Variants in LMNTD1 observed in about 807,000 individuals in gnomAD.
LMNTD1 encodes lamin tail domain containing 1, also known as lamin tail domain-containing protein 1.
Under a neutral mutation model 50.9 loss-of-function variants are expected in LMNTD1, and 35 were observed. That is an observed-to-expected ratio of 0.69 (90% CI 0.53 to 0.91). LMNTD1 has a LOEUF of 0.91. LMNTD1 is among the 40% of genes least tolerant of loss of function. LMNTD1 has a pLI of 0.00. For synonymous variants in LMNTD1, 153 were observed against 161.9 expected (o/e 0.94, Z 0.42); for missense variants, 470 against 475.5 (o/e 0.99, Z 0.11).
chr12:25,519,076 A>T, intron 7 of LMNTD1, 109 bp from the exon 8 acceptor site: 1 of 994,400 alleles, frequency 1.0e-6, no homozygotes. Context: ...AGAGAATATG[A>T]CTTTTTAAAC....
intron 9 of LMNTD1, among the ~76,000 whole-genome samples, chr12:25,477,211 G>A (rs1182051704): frequency 6.6e-6 from 1 of 152,192 alleles, no homozygotes; most frequent in African/African-American, 2.4e-5. Flanking sequence ...AATGAAGAGA[G>A]AATAAGATGG....
rs554099565 is a variant in LMNTD1, at chr12:25,594,554, T to C, written c.59-48000A>G. On this transcript the variant is annotated intron_variant, in intron 1 of 7. Coordinates refer to the LMNTD1 transcript ENST00000445693. ...CCAAGCTGAAACTACAAGAACTGAC[T>C]TAAAAAAATCTCTAAATCTTGAAAC... is the stretch of plus-strand genomic sequence containing the variant. Among the ~76,000 whole-genome samples the C allele has an allele frequency of 2.7e-5, 4 of 149,488 alleles. No individual in the cohort carries two copies. The South Asian group carries it at 6.3e-4, about 24-fold the overall frequency.
At chr12:25,620,373 A>AG (rs1946445038) in intron 1 of LMNTD1, among the ~76,000 whole-genome samples, 1 of 152,130 alleles carries the variant, frequency 6.6e-6, no homozygotes, top group African/African-American at 2.4e-5. Flanking sequence ...ACAAAATTAT[A>AG]AAATATACTT....
intron 1 of LMNTD1, among the ~76,000 whole-genome samples, chr12:25,637,164 G>A (rs1946853237): frequency 6.6e-6 from 1 of 151,936 alleles, no homozygotes. Context: ...AAAATAAAAT[G>A]TTCCATTTAC....
intron 4 of LMNTD1, among the ~76,000 whole-genome samples, chr12:25,542,468 A>G (rs1052841120): frequency 2.1e-4 from 31 of 150,736 alleles, no homozygotes; most frequent in African/African-American, 7.5e-4. Context: ...AACTATCGCA[A>G]GAACAAAAAA....
At position 25,641,968 on chromosome 12, in the gene LMNTD1, C is replaced by T. The variant is rs546828431; in HGVS notation, c.58+6526G>A. Among the ~76,000 whole-genome samples the T allele has an allele frequency of 4.2e-3, 634 of 152,112 alleles. 1 individual carries two copies. The highest frequency in any genetic ancestry group is 0.014 in the African/African-American group (580 of 41,508). On this transcript the variant is annotated intron_variant, in intron 1 of 7. Transcript: ENST00000445693. ...AATTATTTATACTAAACCAAATTTG[C>T]GAATTTCAGTCAGAAATTCTAAAAC...
intron 6 of LMNTD1, among the ~76,000 whole-genome samples, chr12:25,523,095 G>A (rs906329578): frequency 6.6e-5 from 10 of 152,012 alleles, no homozygotes; most frequent in African/African-American, 2.2e-4. Flanking sequence ...GTGCAGTGGT[G>A]CAATCTTGGC....
chr12:25,605,865 A>G (rs998262821), intron 1 of LMNTD1, among the ~76,000 whole-genome samples: 21 of 152,114 alleles, frequency 1.4e-4, no homozygotes, highest in African/African-American at 2.9e-4. Flanking sequence ...TTCCAATTCT[A>G]TGAAGAAAGT....
At chr12:25,577,063 G>T (rs2136392925) in intron 1 of LMNTD1, among the ~76,000 whole-genome samples, 1 of 152,212 alleles carries the variant, frequency 6.6e-6, no homozygotes, top group African/African-American at 2.4e-5. Context: ...CTCTGATTTG[G>T]TACCAGTACC....
At chr12:25,639,953 G>A (rs181731391) in intron 1 of LMNTD1, among the ~76,000 whole-genome samples, 132 of 152,260 alleles carry the variant, frequency 8.7e-4, no homozygotes, top group Non-Finnish European at 5.1e-4. Context: ...CATCCAATGG[G>A]ATATTATTCA....
intron 8 of LMNTD1, among the ~76,000 whole-genome samples, chr12:25,513,032 AG>A (rs1940427125): frequency 6.6e-6 from 1 of 152,196 alleles, no homozygotes; most frequent in Non-Finnish European, 1.5e-5. Flanking sequence ...ACTTAGCTAG[AG>A]GCCCTGTGCA....
intron 4 of LMNTD1, among the ~76,000 whole-genome samples, chr12:25,538,364 CA>C (rs1942772632): frequency 6.6e-6 from 1 of 151,336 alleles, no homozygotes; most frequent in South Asian, 2.1e-4. Context: ...ATCAGACTAA[CA>C]GCGGATCTCT....
chr12:25,512,064 T>G (rs1021357165), intron 8 of LMNTD1, among the ~76,000 whole-genome samples: 1 of 152,146 alleles, frequency 6.6e-6, no homozygotes. Context: ...CCCTCTCTAT[T>G]GGTTATGAAA....
At chr12:25,483,835 C>T (rs762512809) in intron 9 of LMNTD1, among the ~76,000 whole-genome samples, 13 of 151,538 alleles carry the variant, frequency 8.6e-5, no homozygotes, top group Non-Finnish European at 1.9e-4. Context: ...GTAATAACCC[C>T]AAACAATCTA....
intron 9 of LMNTD1, among the ~76,000 whole-genome samples, chr12:25,482,196 T>A (rs964605000): frequency 1.3e-5 from 2 of 151,958 alleles, no homozygotes; most frequent in African/African-American, 4.8e-5. Context: ...AGTTATGAGG[T>A]AAAGTGATGA....
chr12:25,514,336 C>T (rs567023097), intron 8 of LMNTD1, among the ~76,000 whole-genome samples: 1 of 152,136 alleles, frequency 6.6e-6, no homozygotes, highest in African/African-American at 2.4e-5. Context: ...TATTTCATAC[C>T]ATACATAAAA....
At chr12:25,609,136 A>G (rs1946186589) in intron 1 of LMNTD1, among the ~76,000 whole-genome samples, 3 of 152,124 alleles carry the variant, frequency 2.0e-5, no homozygotes. Context: ...TTGTGCATGC[A>G]TCGCATAGTT....
intron 1 of LMNTD1, among the ~76,000 whole-genome samples, chr12:25,620,792 T>C (rs1176636823): frequency 6.6e-6 from 1 of 152,240 alleles, no homozygotes; most frequent in Non-Finnish European, 1.5e-5. Context: ...TTAGCTTCCA[T>C]GTCTTCATTT....
At chr12:25,482,729 T>C (rs2135906560) in intron 9 of LMNTD1, among the ~76,000 whole-genome samples, 1 of 152,090 alleles carries the variant, frequency 6.6e-6, no homozygotes, top group South Asian at 2.1e-4. Context: ...AGGACCCTTC[T>C]CTAATCCTCC....
Sources: gnomAD v4.1 joint callset for allele counts (sites outside exome capture counted in the v4.1 genomes callset) on GRCh38, gnomAD v4.1.1 for gene constraint, MANE v1.5 for transcripts, NCBI Gene and HGNC (gene_info 2026-07-23, HGNC 2026-07-21) for gene names.